Variants in GLRA2 observed in about 807,000 individuals in gnomAD.
GLRA2 encodes glycine receptor alpha 2, also known as glycine receptor subunit alpha-2.
Under a neutral mutation model 31.6 loss-of-function variants are expected in GLRA2, and 11 were observed. That is an observed-to-expected ratio of 0.35 (90% CI 0.22 to 0.58). GLRA2 has a LOEUF of 0.58. Among genes scored for constraint, GLRA2 ranks in the 20% least tolerant of loss-of-function variants. The pLI is 0.84. For synonymous variants in GLRA2, 132 were observed against 134.0 expected (o/e 0.99, Z 0.10); for missense variants, 212 against 351.8 (o/e 0.60, Z 3.18).
chrX:14,649,824 GT>G (rs1444566053), intron 7 of GLRA2, among the ~76,000 whole-genome samples: 1 of 111,793 alleles, frequency 8.9e-6, no homozygotes, highest in Non-Finnish European at 1.9e-5. Flanking sequence ...AAAACATGGA[GT>G]TTAAAAATGT....
chrX:14,546,386 C>T lies in GLRA2; in HGVS notation c.202+14014C>T, dbSNP rs533038542. Among the ~76,000 whole-genome samples, 13 of 111,361 alleles carry T rather than the reference C, an allele frequency of 1.2e-4. No individual in the cohort carries two copies. The South Asian group carries it at 3.4e-3, about 29-fold the overall frequency. ...ATATTCCCACTTAAAACCCAGCAGG[C>T]GGCTTCCTGTTCCATAGATCTCCTG... On this transcript the variant is annotated intron_variant, in intron 2 of 8. Coordinates refer to ENST00000218075, the MANE Select transcript of GLRA2 (RefSeq NM_002063.4).
chrX:14,628,234 A>T (rs1374069386), intron 7 of GLRA2, among the ~76,000 whole-genome samples: 1 of 111,808 alleles, frequency 8.9e-6, no homozygotes, highest in African/African-American at 3.2e-5. Flanking sequence ...ATATATTCTG[A>T]ATTCTAAGAC....
intron 4 of GLRA2, among the ~76,000 whole-genome samples, chrX:14,589,697 A>AGT: frequency 3.0e-5 from 1 of 33,733 alleles, no homozygotes; most frequent in Non-Finnish European, 6.2e-5. Context: ...ATATATGTAT[A>AGT]GTGTATATAT....
chrX:14,569,233 T>C (rs1451240087), intron 2 of GLRA2, among the ~76,000 whole-genome samples: 1 of 110,461 alleles, frequency 9.1e-6, no homozygotes, highest in East Asian at 2.8e-4. Flanking sequence ...CCAGCTTGGG[T>C]GAAAGAGTAA....
At chrX:14,725,566 C>T (rs2091920598) in intron 8 of GLRA2, among the ~76,000 whole-genome samples, 1 of 111,770 alleles carries the variant, frequency 8.9e-6, no homozygotes, top group Non-Finnish European at 1.9e-5. Flanking sequence ...TTTACTTCCT[C>T]CTTTCTCAAG....
chrX:14,625,090 A>G (rs2090572427), intron 7 of GLRA2, among the ~76,000 whole-genome samples: 1 of 111,237 alleles, frequency 9.0e-6, no homozygotes, highest in South Asian at 3.8e-4. Context: ...TGATCCCTTT[A>G]CCATTATGTA....
At chrX:14,616,246 T>A (rs2090452936) in intron 7 of GLRA2, among the ~76,000 whole-genome samples, 1 of 111,939 alleles carries the variant, frequency 8.9e-6, no homozygotes, top group African/African-American at 3.2e-5. Context: ...TAGCCACTCC[T>A]AAGTGTGTCT....
At chrX:14,527,993 A>C (rs1303746163), upstream of GLRA2, among the ~76,000 whole-genome samples, 7 of 112,498 alleles carry the variant, frequency 6.2e-5, no homozygotes, top group African/African-American at 2.3e-4. Context: ...TATTTGAAGA[A>C]TTGATTTTGT....
chrX:14,477,869 G>A, the GLRA2 span, among the ~76,000 whole-genome samples: 3 of 111,049 alleles, frequency 2.7e-5, no homozygotes, highest in South Asian at 1.2e-3. Flanking sequence ...ACGATTTTCT[G>A]TGATGTGGCC....
chrX:14,515,383 G>A, the GLRA2 span, among the ~76,000 whole-genome samples: 1 of 111,590 alleles, frequency 9.0e-6, no homozygotes, highest in South Asian at 3.6e-4. Context: ...AATTTCATTG[G>A]AATTCCTAAT....
the GLRA2 span, among the ~76,000 whole-genome samples, chrX:14,497,429 C>G: frequency 3.6e-5 from 4 of 111,908 alleles, no homozygotes; most frequent in African/African-American, 1.3e-4. Flanking sequence ...TCGGTGCAGT[C>G]TTTTATAATT....
intron 7 of GLRA2, among the ~76,000 whole-genome samples, chrX:14,612,457 A>T (rs113274737): frequency 0.24 from 26,980 of 110,564 alleles, 2,605 homozygotes; most frequent in Non-Finnish European, 0.31. Flanking sequence ...CATTTGACCC[A>T]GCGAACTCAT....
chrX:14,661,996 AT>A (rs765902693), intron 7 of GLRA2, among the ~76,000 whole-genome samples: 7 of 110,366 alleles, frequency 6.3e-5, no homozygotes, highest in Admixed American at 9.7e-5. Context: ...CCTATGATGT[AT>A]TCAAAGTAGC....
At chrX:14,573,717 A>G (rs2089914890) in intron 2 of GLRA2, among the ~76,000 whole-genome samples, 1 of 109,876 alleles carries the variant, frequency 9.1e-6, no homozygotes, top group Non-Finnish European at 1.9e-5. Context: ...ATATTTACTA[A>G]GGTAACAATA....
intron 8 of GLRA2, among the ~76,000 whole-genome samples, chrX:14,725,354 A>AT (rs1187751628): frequency 2.7e-5 from 3 of 110,779 alleles, no homozygotes; most frequent in Admixed American, 9.7e-5. Context: ...TGCTTGGGAG[A>AT]TTTTTTCAGT....
At chrX:14,634,293 A>G (rs1601787051) in intron 7 of GLRA2, among the ~76,000 whole-genome samples, 1 of 112,219 alleles carries the variant, frequency 8.9e-6, no homozygotes, top group African/African-American at 3.2e-5. Flanking sequence ...ATCATATCAC[A>G]GGAGAAAACC....
chrX:14,551,490 G>T (rs1334057792), intron 2 of GLRA2, among the ~76,000 whole-genome samples: 6 of 111,080 alleles, frequency 5.4e-5, no homozygotes, highest in African/African-American at 2.0e-4. Flanking sequence ...TGGAGGTATG[G>T]TAAAGAACAG....
At chrX:14,509,104 G>A in the GLRA2 span, among the ~76,000 whole-genome samples, 1 of 112,139 alleles carries the variant, frequency 8.9e-6, no homozygotes, top group Non-Finnish European at 1.9e-5. Context: ...TGCTTTTACT[G>A]TGGGCAAGAA....
chrX:14,539,518 G>A (rs758379539), intron 2 of GLRA2, among the ~76,000 whole-genome samples: 108 of 111,821 alleles, frequency 9.7e-4, no homozygotes, highest in Non-Finnish European at 1.7e-3. Context: ...TGCAGTACAT[G>A]TAAGAACAAA....
Sources: allele counts gnomAD v4.1 joint callset (sites outside exome capture counted in the v4.1 genomes callset), GRCh38; gene constraint gnomAD v4.1.1; transcripts MANE v1.5; gene names NCBI Gene and HGNC (gene_info 2026-07-23, HGNC 2026-07-21).